The following SMIM14 variants were observed in gnomAD, a reference collection of about 807,000 sequenced individuals.
SMIM14 encodes chromosome 4 open reading frame 34.
A neutral mutation model predicts 12.6 loss-of-function variants in SMIM14; 5 were observed. That is an observed-to-expected ratio of 0.40 (90% CI 0.21 to 0.83). The LOEUF (loss-of-function observed/expected upper bound fraction) is 0.83, where lower values mean the gene tolerates loss of function less well. Ranked by LOEUF, SMIM14 falls within the 40% of genes least tolerant of loss-of-function variation. The pLI is 0.37. For synonymous variants in SMIM14, 30 were observed against 40.1 expected (o/e 0.75, Z 0.95); for missense variants, 86 against 119.1 (o/e 0.72, Z 1.29).
chr4:39,604,893 G>A (rs1463183288), intron 2 of SMIM14, among the ~76,000 whole-genome samples, 178 bp downstream of exon 2: 1 of 152,144 alleles, frequency 6.6e-6, no homozygotes, highest in Non-Finnish European at 1.5e-5. Context: ...TTACAGGTGT[G>A]AGCCACTGTG....
intron 2 of SMIM14, among the ~76,000 whole-genome samples, chr4:39,577,444 T>C (rs1262507350): frequency 3.3e-5 from 5 of 151,488 alleles, no homozygotes; most frequent in African/African-American, 1.2e-4. Context: ...TTTTTTTTTT[T>C]TGAGACGGAG....
intron 2 of SMIM14, among the ~76,000 whole-genome samples, chr4:39,603,776 C>T (rs1368427122): frequency 2.0e-5 from 3 of 151,840 alleles, no homozygotes; most frequent in Non-Finnish European, 2.9e-5. Context: ...TTTCGGGGAC[C>T]GAGGTTGGCA....
intron 1 of SMIM14, among the ~76,000 whole-genome samples, chr4:39,631,785 A>G (rs1410980807): frequency 6.6e-6 from 1 of 152,244 alleles, no homozygotes; most frequent in Non-Finnish European, 1.5e-5. Flanking sequence ...AAATACTTTT[A>G]TTAGCTATTA....
At chr4:39,636,716 C>A (rs545325891) in intron 1 of SMIM14, among the ~76,000 whole-genome samples, 2 of 152,076 alleles carry the variant, frequency 1.3e-5, no homozygotes, top group Non-Finnish European at 2.9e-5. Flanking sequence ...CAACCCCCCC[C>A]CAGTGGATGC....
intron 3 of SMIM14, among the ~76,000 whole-genome samples, chr4:39,569,971 T>C (rs1340029779): frequency 6.6e-6 from 1 of 152,122 alleles, no homozygotes; most frequent in African/African-American, 2.4e-5. Context: ...CCCAGTTTCC[T>C]ATCCTTGGAA....
chr4:39,572,516 C>G (rs1712948680), intron 2 of SMIM14, 53 bp from the exon 3 acceptor site: 3 of 1,436,692 alleles, frequency 2.1e-6, no homozygotes, highest in African/African-American at 2.8e-5. Context: ...AAAAGTGGAC[C>G]ATAATTATTA....
rs71192880 is a variant in SMIM14 at position 39,595,608 on chromosome 4, A to ATTTTT, written c.75+9458_75+9462dup. On this transcript the variant is annotated intron_variant, in intron 2 of 4. Transcript: ENST00000295958. ...AATGAAAACGTTTTCTGTAACTACG[A>ATTTTT]TTTTTTTTTTTTTTTTTTGAGACAG... 3.2e-3 allele frequency among the ~76,000 whole-genome samples: 429 copies of ATTTTT among 135,516 alleles called. 10 individuals are homozygous for ATTTTT. Among genetic ancestry groups the ATTTTT allele is most frequent in the African/African-American group, 0.012 (417 of 35,906 alleles). The allele number at this position is 135,516 out of a possible 152,430, so 88.9% of individuals were successfully genotyped here.
chr4:39,591,283 T>C (rs1560296042), intron 2 of SMIM14, among the ~76,000 whole-genome samples: 1 of 152,054 alleles, frequency 6.6e-6, no homozygotes, highest in Non-Finnish European at 1.5e-5. Context: ...CCAACTGTAT[T>C]AGATTAGGAA....
At chr4:39,576,122 T>C (rs1029343058) in intron 2 of SMIM14, among the ~76,000 whole-genome samples, 2 of 151,676 alleles carry the variant, frequency 1.3e-5, no homozygotes, top group African/African-American at 4.8e-5. Context: ...CTCTAACTCC[T>C]GATCTCAAGT....
chr4:39,631,331 C>CA lies in SMIM14; in HGVS notation c.-36+7407dup, dbSNP rs34691180. 6.8e-3 allele frequency among the ~76,000 whole-genome samples: 906 copies of CA among 133,322 alleles called. 3 individuals are homozygous for CA. Among genetic ancestry groups the CA allele is most frequent in the Non-Finnish European group, 0.011 (658 of 61,880 alleles). 87.5% of individuals were successfully genotyped at this position (133,322 alleles called of 152,430 possible). A position where few individuals can be genotyped will look rare whatever the true frequency, so the allele number is the denominator to read the frequency against. ...CGGGTGACAGAGTGAGACTCCATCT[C>CA]AAAAAAAAAAAAAAAGAGCAAACTT... On this transcript the variant is annotated intron_variant, in intron 1 of 4. Coordinates refer to ENST00000295958, the MANE Select transcript of SMIM14 (RefSeq NM_174921.3).
chr4:39,637,274 T>C (rs1266771120), intron 1 of SMIM14, among the ~76,000 whole-genome samples: 3 of 152,224 alleles, frequency 2.0e-5, no homozygotes, highest in Admixed American at 6.5e-5. Context: ...TAACCAAAAA[T>C]ATTAGTTATA....
At chr4:39,589,554 G>A (rs1183135531) in intron 2 of SMIM14, 2 of 152,138 alleles carry the variant, frequency 1.3e-5, no homozygotes, top group Non-Finnish European at 2.9e-5. Context: ...ATCCAAGTTC[G>A]CATTTCTAAA....
At chr4:39,571,210 G>T (rs1712862714) in intron 3 of SMIM14, among the ~76,000 whole-genome samples, 1 of 152,082 alleles carries the variant, frequency 6.6e-6, no homozygotes, top group Non-Finnish European at 1.5e-5. Flanking sequence ...GCATGTTAAT[G>T]TCAGAGCCAA....
In SMIM14 at chr4:39,556,567, G is replaced by T; in HGVS notation, c.128C>A (p.Pro43Gln). Reference sequence around the variant, plus strand: ...GATGCCATTATCACCAGAGGGTCCCGGTACTAAAGACAAACAAAAAATGTA... The same window carrying T: ...GATGCCATTATCACCAGAGGGTCCCTGTACTAAAGACAAACAAAAAATGTA... The part of the protein sequence containing the change: ...CTDTECLQEL[P>Q]GPSGDNGISV... Residue 43 changes from proline to glutamine, a missense_variant, in exon 4 of 5, where the codon CCG (proline) becomes CAG (glutamine). By Grantham distance (76) the Pro-to-Gln change is moderately conservative (BLOSUM62 -1). Coordinates refer to ENST00000295958, the MANE Select transcript of SMIM14 (RefSeq NM_174921.3). The T allele has an allele frequency of 4.4e-6, 7 of 1,589,776 alleles. No individual in the cohort carries two copies. Among genetic ancestry groups the T allele is most frequent in the Non-Finnish European group, 6.0e-6 (7 of 1,172,946 alleles).
intron 2 of SMIM14, among the ~76,000 whole-genome samples, chr4:39,590,527 C>T (rs1269102754): frequency 6.6e-6 from 1 of 152,026 alleles, no homozygotes; most frequent in East Asian, 1.9e-4. Context: ...ATCGGCTGGG[C>T]GTGGTGGCTC....
intron 3 of SMIM14, among the ~76,000 whole-genome samples, chr4:39,562,826 T>TTTTTTTTTTTTTTTTTTTTTG (rs1468841089): frequency 6.6e-5 from 10 of 150,746 alleles, no homozygotes; most frequent in African/African-American, 2.5e-4. Context: ...GTATTTTTAG[T>TTTTTTTTTTTTTTTTTTTTTG]AGAGACGGTG....
At chr4:39,602,614 C>T (rs1033359721) in intron 2 of SMIM14, among the ~76,000 whole-genome samples, 8 of 152,130 alleles carry the variant, frequency 5.3e-5, no homozygotes, top group South Asian at 2.1e-4. Flanking sequence ...CAAACAAAAA[C>T]GATCGGCTCT....
chr4:39,581,286 T>A (rs542740165), intron 2 of SMIM14, among the ~76,000 whole-genome samples: 6 of 152,150 alleles, frequency 3.9e-5, no homozygotes, highest in Non-Finnish European at 7.3e-5. Context: ...AATGTTTAAG[T>A]TCCTTCTCTA....
intron 3 of SMIM14, among the ~76,000 whole-genome samples, chr4:39,564,231 C>T (rs375027139): frequency 2.1e-4 from 32 of 152,274 alleles, no homozygotes; most frequent in African/African-American, 5.5e-4. Flanking sequence ...GACAATACAC[C>T]GGTATGCTCT....
Sources: allele counts gnomAD v4.1 joint callset (sites outside exome capture counted in the v4.1 genomes callset), GRCh38; gene constraint gnomAD v4.1.1; transcripts MANE v1.5; gene names NCBI Gene and HGNC (gene_info 2026-07-23, HGNC 2026-07-21).